Variants in GMDS observed in about 807,000 individuals in gnomAD.
GMDS encodes the protein GDP-mannose 4,6-dehydratase, also known as GDP-mannose 4,6 dehydratase.
In GMDS, 20 loss-of-function variants were observed where a neutral mutation model predicts 49.9. The ratio of observed to expected loss-of-function variants is 0.40; its 90% CI spans 0.28 to 0.58. The LOEUF is 0.58. Ranked by LOEUF, GMDS falls within the 20% of genes least tolerant of loss-of-function variation. The pLI is 0.42. For synonymous variants in GMDS, 177 were observed against 178.6 expected (o/e 0.99, Z 0.07); for missense variants, 362 against 481.4 (o/e 0.75, Z 2.32).
intron 1 of GMDS, among the ~76,000 whole-genome samples, chr6:2,159,961 T>C (rs904417432): frequency 6.6e-6 from 1 of 152,180 alleles, no homozygotes; most frequent in African/African-American, 2.4e-5. Context: ...AAATATGCAA[T>C]TTTATAGTCA....
At chr6:2,215,622 C>T (rs1242220241) in intron 1 of GMDS, among the ~76,000 whole-genome samples, 2 of 148,048 alleles carry the variant, frequency 1.4e-5, no homozygotes, top group Non-Finnish European at 3.0e-5. Context: ...GAGAAAGAGA[C>T]AGTAGAGAGG....
chr6:2,158,592 A>C (rs1226245892), intron 1 of GMDS, among the ~76,000 whole-genome samples: 1 of 152,212 alleles, frequency 6.6e-6, no homozygotes, highest in Non-Finnish European at 1.5e-5. Flanking sequence ...TAAGAATCAC[A>C]AATCAAAACT....
chr6:2,041,279 G>T (rs1044934853), intron 4 of GMDS, among the ~76,000 whole-genome samples: 2 of 152,158 alleles, frequency 1.3e-5, no homozygotes, highest in East Asian at 1.9e-4. Flanking sequence ...AATGCCTAAG[G>T]CAGTACTTGT....
At chr6:1,844,775 G>T (rs1400253107) in intron 7 of GMDS, among the ~76,000 whole-genome samples, 1 of 152,176 alleles carries the variant, frequency 6.6e-6, no homozygotes, top group Non-Finnish European at 1.5e-5. Context: ...AGTGCATCTC[G>T]AAATGACTTT....
intron 4 of GMDS, among the ~76,000 whole-genome samples, chr6:2,017,669 A>C (rs1767996282): frequency 6.6e-6 from 1 of 152,158 alleles, no homozygotes; most frequent in Non-Finnish European, 1.5e-5. Context: ...GCAGTCAAAA[A>C]TCCATTTATA....
chr6:1,914,361 A>C (rs1761260344), intron 7 of GMDS, among the ~76,000 whole-genome samples: 1 of 150,634 alleles, frequency 6.6e-6, no homozygotes, highest in Admixed American at 6.6e-5. Flanking sequence ...GAGGCGTAGA[A>C]TCCTCCAGTT....
intron 7 of GMDS, among the ~76,000 whole-genome samples, chr6:1,747,530 C>T (rs1767557187): frequency 6.6e-6 from 1 of 151,686 alleles, no homozygotes; most frequent in Admixed American, 6.6e-5. Flanking sequence ...ATACGCATTT[C>T]AGGGGAGAAC....
At chr6:1,785,632 C>T (rs527804803) in intron 7 of GMDS, among the ~76,000 whole-genome samples, 21 of 152,310 alleles carry the variant, frequency 1.4e-4, no homozygotes, top group East Asian at 1.2e-3. Flanking sequence ...TTGCCTGCCA[C>T]GACCTGCCTC....
chr6:1,811,734 C>A (rs958767055), intron 7 of GMDS, among the ~76,000 whole-genome samples: 1 of 152,150 alleles, frequency 6.6e-6, no homozygotes, highest in Admixed American at 6.5e-5. Context: ...ACAGTAGGCA[C>A]TCCACGTTTA....
chr6:1,752,908 C>T (rs1422393015), intron 7 of GMDS, among the ~76,000 whole-genome samples: 7 of 152,122 alleles, frequency 4.6e-5, no homozygotes, highest in South Asian at 4.1e-4. Flanking sequence ...AAGGAAAAAC[C>T]GGTACCATCC....
chr6:1,738,095 ACAC>A (rs1168514700), intron 8 of GMDS, among the ~76,000 whole-genome samples: 3 of 149,230 alleles, frequency 2.0e-5, no homozygotes, highest in Non-Finnish European at 4.5e-5. Context: ...ACACACATAC[ACAC>A]CACACATATA....
intron 4 of GMDS, among the ~76,000 whole-genome samples, chr6:2,073,607 C>A (rs563453898): frequency 6.6e-6 from 1 of 152,310 alleles, no homozygotes; most frequent in Admixed American, 6.5e-5. Context: ...CATCTTCTAA[C>A]TGTATGTTTG....
chr6:1,784,091 A>G (rs1769216687), intron 7 of GMDS, among the ~76,000 whole-genome samples: 1 of 152,206 alleles, frequency 6.6e-6, no homozygotes, highest in Non-Finnish European at 1.5e-5. Context: ...TAAAAGTAAT[A>G]TTTGTATGTT....
intron 1 of GMDS, among the ~76,000 whole-genome samples, chr6:2,172,867 G>T (rs1778087768): frequency 6.6e-6 from 1 of 152,110 alleles, no homozygotes; most frequent in South Asian, 2.1e-4. Context: ...AACATTAGTG[G>T]ATATCAGGCT....
intron 7 of GMDS, among the ~76,000 whole-genome samples, chr6:1,779,676 C>G (rs1768997931): frequency 6.6e-6 from 1 of 152,160 alleles, no homozygotes; most frequent in Non-Finnish European, 1.5e-5. Context: ...AGCGTATAAG[C>G]AGCTGCACAA....
chr6:1,699,691 AG>A (rs148942781), intron 9 of GMDS, among the ~76,000 whole-genome samples: 5,890 of 152,278 alleles, frequency 0.039, 375 homozygotes, highest in African/African-American at 0.13. Flanking sequence ...GGTTACCATT[AG>A]GGCTCCCTGG....
At chr6:1,747,910 T>C (rs1248966173) in intron 7 of GMDS, among the ~76,000 whole-genome samples, 1 of 152,140 alleles carries the variant, frequency 6.6e-6, no homozygotes, top group East Asian at 1.9e-4. Flanking sequence ...TAAGGGACTT[T>C]TAGACGTTTT....
intron 7 of GMDS, among the ~76,000 whole-genome samples, chr6:1,913,388 C>A (rs888056394): frequency 1.6e-3 from 169 of 103,848 alleles, no homozygotes; most frequent in East Asian, 3.1e-3. Context: ...CTCAAACAAA[C>A]AAAAAAAAAA....
At chr6:1,648,890 C>T (rs1046162640) in intron 9 of GMDS, among the ~76,000 whole-genome samples, 9 of 152,232 alleles carry the variant, frequency 5.9e-5, no homozygotes, top group Admixed American at 5.2e-4. Context: ...TACAGTCTTC[C>T]GAGAGCTCTT....
Sources: allele counts gnomAD v4.1 joint callset (sites outside exome capture counted in the v4.1 genomes callset), GRCh38; gene constraint gnomAD v4.1.1; transcripts MANE v1.5; gene names NCBI Gene and HGNC (gene_info 2026-07-23, HGNC 2026-07-21).